Variants in ADAMTSL1 observed in about 807,000 individuals in gnomAD.
ADAMTSL1 encodes ADAMTS-like protein 1.
In ADAMTSL1, 126 loss-of-function variants were observed where a neutral mutation model predicts 201.8. The observed-to-expected ratio is 0.62, with a 90% CI of 0.54 to 0.72. ADAMTSL1 has a LOEUF of 0.72. Among genes scored for constraint, ADAMTSL1 ranks in the 30% least tolerant of loss-of-function variants. The pLI is 0.00. For missense variants in ADAMTSL1, 2,679 were observed against 2,277.8 expected, an observed-to-expected ratio of 1.18 and a Z score of -3.59; for synonymous variants, 1,121 against 903.4, an observed-to-expected ratio of 1.24 and a Z score of -4.32.
chr9:18,040,072 G>C (rs1043770724), intron 1 of ADAMTSL1, among the ~76,000 whole-genome samples: 1 of 152,082 alleles, frequency 6.6e-6, no homozygotes, highest in Non-Finnish European at 1.5e-5. Context: ...CATTTATTCA[G>C]CATTATTTTA....
chr9:18,487,081 T>C (rs994614020), intron 1 of ADAMTSL1, among the ~76,000 whole-genome samples: 1 of 152,230 alleles, frequency 6.6e-6, no homozygotes, highest in Non-Finnish European at 1.5e-5. Flanking sequence ...TAAATATTAA[T>C]TGTGGTCTTC....
rs867394635 is a variant in ADAMTSL1 at position 18,514,727 on chromosome 9, C to T, written c.191+9771C>T. Among the ~76,000 whole-genome samples the T allele has an allele frequency of 2.6e-4, 39 of 152,338 alleles. No individual in the cohort carries two copies. In the Middle Eastern group the frequency reaches 0.014, roughly 53 times the overall value. ...GAGTTTTCTGCTTATAAGATCATGT[C>T]ATCTGCAAATAGAGATAATTTAACT... is the stretch of plus-strand genomic sequence containing the variant. On this transcript the variant is annotated intron_variant, in intron 2 of 28. Coordinates refer to ENST00000380548, the MANE Select transcript of ADAMTSL1 (RefSeq NM_001040272.6).
intron 2 of ADAMTSL1, among the ~76,000 whole-genome samples, chr9:18,408,882 C>G (rs1227860954): frequency 1.3e-5 from 2 of 152,080 alleles, no homozygotes; most frequent in Admixed American, 6.5e-5. Flanking sequence ...GAACCTAAAC[C>G]TTTTAAGAGT....
At chr9:18,016,861 G>T (rs1820280397) in intron 1 of ADAMTSL1, among the ~76,000 whole-genome samples, 1 of 151,962 alleles carries the variant, frequency 6.6e-6, no homozygotes, top group South Asian at 2.1e-4. Context: ...TTGGAAGCTG[G>T]CTTTGTAGCA....
chr9:18,139,638 G>A (rs1057121395), intron 1 of ADAMTSL1, among the ~76,000 whole-genome samples: 16 of 152,126 alleles, frequency 1.1e-4, no homozygotes, highest in African/African-American at 3.9e-4. Context: ...TATATGCCAT[G>A]CTACATATAC....
At chr9:18,593,261 C>T (rs919989204) in intron 4 of ADAMTSL1, among the ~76,000 whole-genome samples, 1 of 152,082 alleles carries the variant, frequency 6.6e-6, no homozygotes, top group African/African-American at 2.4e-5. Context: ...TGTTAAATAA[C>T]ATGTTGGAAG....
At chr9:18,222,296 G>T (rs1450425135) in intron 2 of ADAMTSL1, among the ~76,000 whole-genome samples, 1 of 151,518 alleles carries the variant, frequency 6.6e-6, no homozygotes. Context: ...TTGTCATTTG[G>T]ATTCATATTT....
At chr9:18,155,801 AT>A (rs1469725486) in intron 1 of ADAMTSL1, among the ~76,000 whole-genome samples, 1 of 152,072 alleles carries the variant, frequency 6.6e-6, no homozygotes, top group Non-Finnish European at 1.5e-5. Flanking sequence ...AATTGCAAAC[AT>A]TAGGTCTAGT....
chr9:18,574,428 A>T (rs1051860802), intron 4 of ADAMTSL1, 162 bp downstream of exon 4: 1 of 749,190 alleles, frequency 1.3e-6, no homozygotes, highest in Non-Finnish European at 2.3e-6. Context: ...AGTGAAAAGT[A>T]CCAAGTGTTG....
chr9:18,113,108 G>A (rs551611368), intron 1 of ADAMTSL1, among the ~76,000 whole-genome samples: 2 of 152,240 alleles, frequency 1.3e-5, no homozygotes, highest in African/African-American at 2.4e-5. Context: ...GAGCGAATAC[G>A]GGGTACTCAG....
intron 1 of ADAMTSL1, among the ~76,000 whole-genome samples, chr9:18,121,267 A>G (rs562933298): frequency 1.4e-4 from 22 of 152,326 alleles, no homozygotes; most frequent in African/African-American, 4.6e-4. Flanking sequence ...AAAGCCAGCC[A>G]TGTGTTTGAA....
chr9:18,032,313 G>T (rs376703051), intron 1 of ADAMTSL1, among the ~76,000 whole-genome samples: 52 of 152,316 alleles, frequency 3.4e-4, no homozygotes, highest in African/African-American at 1.2e-3. Flanking sequence ...ACCCCTCAGG[G>T]TAGTGTGCTC....
Position 18,490,649 on chromosome 9 carries a change from A to G in ADAMTSL1, c.64-14180A>G, listed in dbSNP as rs1822225941. On this transcript the variant is annotated intron_variant, in intron 1 of 28. Coordinates refer to ENST00000380548, the MANE Select transcript of ADAMTSL1 (RefSeq NM_001040272.6). ...ACAGAGAGAACAGGGGCCTGAGGAA[A>G]GAGTCTTGGGGATGACAGCATTTGC... Among the ~76,000 whole-genome samples, 5 of 152,164 alleles carry G rather than the reference A, an allele frequency of 3.3e-5. No homozygotes were observed. In the South Asian group the frequency reaches 8.3e-4, roughly 25 times the overall value.
intron 15 of ADAMTSL1, among the ~76,000 whole-genome samples, chr9:18,750,104 T>C (rs1317394105): frequency 1.3e-5 from 2 of 152,240 alleles, no homozygotes; most frequent in African/African-American, 2.4e-5. Flanking sequence ...GATTTTGTTT[T>C]ACACCCACAA....
At chr9:18,620,324 C>T (rs951773003) in intron 4 of ADAMTSL1, among the ~76,000 whole-genome samples, 1 of 152,118 alleles carries the variant, frequency 6.6e-6, no homozygotes, top group African/African-American at 2.4e-5. Context: ...CACTATCTCC[C>T]TCTGCCACTA....
At chr9:18,586,550 AT>A (rs1467588888) in intron 4 of ADAMTSL1, among the ~76,000 whole-genome samples, 2 of 152,194 alleles carry the variant, frequency 1.3e-5, no homozygotes, top group Non-Finnish European at 2.9e-5. Flanking sequence ...TGTTATTCCT[AT>A]CAAACTACCA....
intron 2 of ADAMTSL1, among the ~76,000 whole-genome samples, chr9:18,315,930 G>A (rs536179889): frequency 2.4e-4 from 36 of 152,344 alleles, no homozygotes; most frequent in African/African-American, 6.5e-4. Context: ...AACCTGCCCC[G>A]ATATTCATGT....
At chr9:18,094,616 G>T (rs193112496) in intron 1 of ADAMTSL1, among the ~76,000 whole-genome samples, 2 of 150,354 alleles carry the variant, frequency 1.3e-5, no homozygotes, top group African/African-American at 2.5e-5. Context: ...CAGTGGTTTT[G>T]TCTTCTAAAT....
intron 2 of ADAMTSL1, among the ~76,000 whole-genome samples, chr9:18,376,573 G>C (rs1274574278): frequency 6.6e-6 from 1 of 152,208 alleles, no homozygotes; most frequent in African/African-American, 2.4e-5. Context: ...GGGAGGCCGA[G>C]GTGGGTGGAT....
Sources: gnomAD v4.1 joint callset for allele counts (sites outside exome capture counted in the v4.1 genomes callset) on GRCh38, gnomAD v4.1.1 for gene constraint, MANE v1.5 for transcripts, NCBI Gene and HGNC (gene_info 2026-07-23, HGNC 2026-07-21) for gene names.